The following EFNA4 variants were observed in gnomAD, a reference collection of about 807,000 sequenced individuals.
EFNA4 encodes ephrin-A4.
Under a neutral mutation model 23.7 loss-of-function variants are expected in EFNA4, and 22 were observed. The ratio of observed to expected loss-of-function variants is 0.93; its 90% CI spans 0.66 to 1.32. The LOEUF is 1.32. Ranked by LOEUF, EFNA4 falls within the 40% of genes most tolerant of loss-of-function variation. The pLI, the probability that EFNA4 is intolerant of heterozygous loss-of-function variation, is 0.00. For missense variants in EFNA4, 252 were observed against 252.3 expected (o/e 1.00, Z 0.01); for synonymous variants, 113 against 108.3 (o/e 1.04, Z -0.27).
intron 1 of EFNA4, among the ~76,000 whole-genome samples, chr1:155,064,357 C>T (rs1662934706): frequency 6.6e-6 from 1 of 152,216 alleles, no homozygotes; most frequent in African/African-American, 2.4e-5. Context: ...CTGGGTCTCA[C>T]CTCTGGCTCT....
chr1:155,064,499 C>A (rs1389085464), intron 1 of EFNA4, among the ~76,000 whole-genome samples: 5 of 152,214 alleles, frequency 3.3e-5, no homozygotes, highest in African/African-American at 9.6e-5. Flanking sequence ...ACCTTCCTAA[C>A]CTCATTTATC....
rs1411314602 is a variant in EFNA4, at chr1:155,063,812, A to G, written c.-12A>G. On this transcript the variant is annotated 5_prime_UTR_variant, in exon 1 of 4. Coordinates refer to ENST00000368409, the MANE Select transcript of EFNA4 (RefSeq NM_005227.3). The surrounding 1 kb of genome is among the most constrained non-coding windows in gnomAD (Gnocchi z 4.1). Reference sequence around the variant, plus strand: ...GACCTGCCAGGCCAGACCAAACCGGACCTCGGGGGCGATGCGGCTGCTGCC... The same window carrying G: ...GACCTGCCAGGCCAGACCAAACCGGGCCTCGGGGGCGATGCGGCTGCTGCC... 1 of 1,515,018 alleles carries G rather than the reference A, an allele frequency of 6.6e-7. No individual in the cohort carries two copies. 93.8% of individuals were successfully genotyped at this position (1,515,018 alleles called of 1,614,324 possible). A position where few individuals can be genotyped will look rare whatever the true frequency, so the allele number is the denominator to read the frequency against.
rs745724420 is a variant in EFNA4, at chr1:155,068,938, T to A, written c.555T>A (p.Cys185Ter). 1.9e-6 allele frequency: 3 copies of A among 1,614,044 alleles called. No individual in the cohort carries two copies. The highest frequency in any genetic ancestry group is 2.2e-5 in the South Asian group (2 of 91,066). Residue 185 changes from cysteine to a stop codon, truncating the protein, a stop_gained, in exon 4 of 4, where the codon TGT (cysteine) becomes TGA (stop). Transcript: ENST00000368409. LOFTEE classifies it high-confidence loss of function. The part of the protein sequence containing the change: ...WRGGDTPSPL[C>*]LLLLLLLLIL... ...GGGGGGACACTCCCAGCCCCCTCTG[T>A]CTCTTGCTATTACTGCTGCTTCTGA...
chr1:155,066,964 A>AC lies in EFNA4; in HGVS notation c.351dup (p.Phe118LeufsTer6). On this transcript the variant is annotated frameshift_variant, in exon 2 of 4. Transcript: ENST00000368409. LOFTEE classifies it high-confidence loss of function. The stretch of plus-strand genomic sequence containing the variant: ...TCTCAGAGAAGATTCAGCGCTTCAC[A>AC]CCCTTCTCCCTCGGCTTTGAGTTCT... 1 of 1,613,838 alleles carries AC rather than the reference A, an allele frequency of 6.2e-7. No homozygotes were observed. The highest frequency in any genetic ancestry group is 8.5e-7 in the Non-Finnish European group (1 of 1,179,938).
rs1429093184 is a variant in EFNA4 at position 155,063,838 on chromosome 1, C to T, written c.15C>T (p.Pro5=). 6.5e-7 allele frequency: 1 copy of T among 1,542,110 alleles called. No homozygotes were observed. The highest frequency in any genetic ancestry group is 8.7e-7 in the Non-Finnish European group (1 of 1,144,824). ...CCTCGGGGGCGATGCGGCTGCTGCC[C>T]CTGCTGCGGACTGTCCTCTGGGCCG... MRLL[P]LLRTVLWAAF... Residue 5 remains proline, a synonymous_variant, in exon 1 of 4, where the codon CCC becomes CCT. Transcript: ENST00000368409. This position sits in a 1 kb window ranked among gnomAD's most constrained non-coding sequence, Gnocchi z 4.1.
rs773104614 is a variant in EFNA4 at position 155,069,339 on chromosome 1, G to T, written c.*350G>T. ...GCCCAGGCTGAAGACCTGGGGACAGGTCGATTGCTGGACCAGGGCAAAGAA... is the reference window on the plus strand; with the variant it reads ...GCCCAGGCTGAAGACCTGGGGACAGTTCGATTGCTGGACCAGGGCAAAGAA... On this transcript the variant is annotated 3_prime_UTR_variant, in exon 4 of 4. Coordinates refer to ENST00000368409, the MANE Select transcript of EFNA4 (RefSeq NM_005227.3). 6.9e-6 allele frequency: 5 copies of T among 728,718 alleles called. No individual in the cohort carries two copies. Among genetic ancestry groups the T allele is most frequent in the Non-Finnish European group, 1.0e-5 (5 of 476,200 alleles). The allele number at this position is 728,718 out of a possible 1,614,324, so 45.1% of individuals were successfully genotyped here.
intron 1 of EFNA4, among the ~76,000 whole-genome samples, chr1:155,065,158 C>G (rs1294997275): frequency 1.3e-5 from 2 of 152,196 alleles, no homozygotes; most frequent in African/African-American, 4.8e-5. Context: ...TGCAGTAGAA[C>G]AAAACTTACC....
intron 2 of EFNA4, 82 bp downstream of exon 2, chr1:155,067,098 G>C: frequency 1.3e-6 from 2 of 1,488,408 alleles, no homozygotes; most frequent in Non-Finnish European, 1.8e-6. Flanking sequence ...AAGGAGGAGG[G>C]GGCTGGGTCT....
At chr1:155,067,788 A>C (rs1663087980) in intron 3 of EFNA4, among the ~76,000 whole-genome samples, 1 of 150,350 alleles carries the variant, frequency 6.7e-6, no homozygotes, top group South Asian at 2.1e-4. Context: ...CACCCGGCTA[A>C]TTTTTTGTAT....
At position 155,069,309 on chromosome 1, in the gene EFNA4, TG is replaced by T; in HGVS notation, c.*325del. 9.6e-7 allele frequency: 1 copy of T among 1,045,612 alleles called. No homozygotes were observed. 64.8% of individuals were successfully genotyped at this position (1,045,612 alleles called of 1,614,324 possible). A position where few individuals can be genotyped will look rare whatever the true frequency, so the allele number is the denominator to read the frequency against. On this transcript the variant is annotated 3_prime_UTR_variant, in exon 4 of 4. Transcript: ENST00000368409. ...GGTATGATCAAATCCTCAAGCCAGCTGGGGGCCCAGGCTGAAGACCTGGGGA... is the reference window on the plus strand; with the variant it reads ...GGTATGATCAAATCCTCAAGCCAGCTGGGGCCCAGGCTGAAGACCTGGGGA...
chr1:155,067,700 C>T (rs939735374), intron 3 of EFNA4, among the ~76,000 whole-genome samples: 1 of 152,138 alleles, frequency 6.6e-6, no homozygotes, highest in East Asian at 1.9e-4. Context: ...CAGCTCACTG[C>T]AAGCTCCGCC....
chr1:155,067,352 C>G lies in EFNA4; in HGVS notation c.401-20C>G, dbSNP rs1332120101. ...GGGTGACTCCCTGTGCTAACTTTTT[C>G]CCACTTTCCCACTACCCAGCGGTGC... On this transcript the variant is annotated intron_variant, in intron 2 of 3. Transcript: ENST00000368409. 1 of 1,613,972 alleles carries G rather than the reference C, an allele frequency of 6.2e-7. No individual in the cohort carries two copies. The highest frequency in any genetic ancestry group is 1.3e-5 in the African/African-American group (1 of 75,012).
At chr1:155,067,053 A>C in intron 2 of EFNA4, 37 bp downstream of exon 2, 1 of 1,564,434 alleles carries the variant, frequency 6.4e-7, no homozygotes. Flanking sequence ...CCTCTTGTGT[A>C]CCAGAAGGGT....
In EFNA4 at chr1:155,069,162, A is replaced by C. The variant is rs1158480020; in HGVS notation, c.*173A>C. On this transcript the variant is annotated 3_prime_UTR_variant, in exon 4 of 4. Coordinates refer to ENST00000368409, the MANE Select transcript of EFNA4 (RefSeq NM_005227.3). Reference sequence around the variant, plus strand: ...GACTCTTGCAGGAGCCTGTCCCCTCATCACAGGCTAAAGAAGAGCAGTAGA... The same window carrying C: ...GACTCTTGCAGGAGCCTGTCCCCTCCTCACAGGCTAAAGAAGAGCAGTAGA... The C allele has an allele frequency of 3.7e-6, 6 of 1,606,868 alleles. No homozygotes were observed. The highest frequency in any genetic ancestry group is 5.1e-6 in the Non-Finnish European group (6 of 1,178,044).
chr1:155,067,309 A>C (rs752859260), intron 2 of EFNA4, 63 bp from the exon 3 acceptor site: 2 of 1,579,878 alleles, frequency 1.3e-6, no homozygotes, highest in Non-Finnish European at 1.7e-6. Flanking sequence ...GGTCTGAAAC[A>C]GTCTGAGGCA....
At chr1:155,067,075 A>G (rs1663070005) in intron 2 of EFNA4, 59 bp downstream of exon 2, 1 of 1,539,844 alleles carries the variant, frequency 6.5e-7, no homozygotes. Flanking sequence ...GGGAGGGGGA[A>G]GGAGAGGCCT....
At chr1:155,066,658 G>A (rs965193682) in intron 1 of EFNA4, 72 bp from the exon 2 acceptor site, 98 of 1,500,862 alleles carry the variant, frequency 6.5e-5, no homozygotes, top group African/African-American at 6.5e-4. Flanking sequence ...TCTGAGAAGG[G>A]GTGTCTCTGG....
intron 1 of EFNA4, among the ~76,000 whole-genome samples, chr1:155,065,359 C>T (rs1325950727): frequency 6.6e-6 from 1 of 151,944 alleles, no homozygotes; most frequent in African/African-American, 2.4e-5. Context: ...GGGGAGCAGC[C>T]CCTTCCAGCC....
At chr1:155,067,228 C>A in intron 2 of EFNA4, 144 bp from the exon 3 acceptor site, 1 of 1,057,806 alleles carries the variant, frequency 9.5e-7, no homozygotes, top group Non-Finnish European at 1.4e-6. Context: ...CTGGATGGGG[C>A]CTGATACATG....
Sources: gnomAD v4.1 joint callset for allele counts (sites outside exome capture counted in the v4.1 genomes callset) on GRCh38, gnomAD v4.1.1 for gene constraint, Gnocchi (gnomAD v3.1) non-coding constraint, MANE v1.5 for transcripts, NCBI Gene and HGNC (gene_info 2026-07-23, HGNC 2026-07-21) for gene names.